The following CALML4 variants were observed in gnomAD, a reference collection of about 807,000 sequenced individuals.
CALML4 encodes the protein calmodulin-like protein 4.
CALML4 carries 16 observed loss-of-function variants against 17.9 expected under a neutral mutation model. The ratio of observed to expected loss-of-function variants is 0.89; its 90% CI spans 0.61 to 1.36. CALML4 has a LOEUF of 1.36. Among genes scored for constraint, CALML4 ranks in the 40% most tolerant of loss-of-function variants. The pLI, the probability that CALML4 is intolerant of heterozygous loss-of-function variation, is 0.00. For missense variants in CALML4, 203 were observed against 194.8 expected (o/e 1.04, Z -0.25); for synonymous variants, 86 against 71.5 (o/e 1.20, Z -1.02).
chr15:68,205,659 TG>T (rs1253711008), upstream of CALML4: 24 of 424,684 alleles, frequency 5.7e-5, no homozygotes, highest in Non-Finnish European at 9.7e-5. This position sits in a 1 kb window ranked among gnomAD's most constrained non-coding sequence, Gnocchi z 4.8. Context: ...CGGGTCGTAT[TG>T]AAGGCTCCTC....
Position 68,197,438 on chromosome 15 carries a change from A to G in CALML4, c.364+2T>C. 1.9e-6 allele frequency: 3 copies of G among 1,613,002 alleles called. No individual in the cohort carries two copies. In the East Asian group the frequency reaches 6.7e-5, roughly 36 times the overall value. On this transcript the variant is annotated splice_donor_variant, in intron 4 of 4. Transcript: ENST00000467889. LOFTEE classifies it high-confidence loss of function. This position sits in a 1 kb window ranked among gnomAD's most constrained non-coding sequence, Gnocchi z 4.1. ...GTTGGGAGACAGGACCCAGGCTGTTACCTTCCTTGTGGGTGAGCTTCTCCC... is the reference window on the plus strand; with the variant it reads ...GTTGGGAGACAGGACCCAGGCTGTTGCCTTCCTTGTGGGTGAGCTTCTCCC...
chr15:68,198,318 C>T (rs2093152956), intron 3 of CALML4: 2 of 152,314 alleles, frequency 1.3e-5, no homozygotes, highest in African/African-American at 4.8e-5. Context: ...TGGCCTGCCC[C>T]AGGGTGGGCT....
chr15:68,196,762 T>A (rs2093146232), intron 4 of CALML4, among the ~76,000 whole-genome samples: 1 of 152,240 alleles, frequency 6.6e-6, no homozygotes. Flanking sequence ...CGTCCTGCTC[T>A]GAGGCAGGAC....
upstream of CALML4, chr15:68,205,795 A>G (rs1432195924): frequency 5.0e-6 from 1 of 200,808 alleles, no homozygotes; most frequent in Non-Finnish European, 1.0e-5. The surrounding 1 kb of genome is among the most constrained non-coding windows in gnomAD (Gnocchi z 4.8). Context: ...TCAGGCTGGG[A>G]TTCAGTCCTC....
intron 4 of CALML4, 129 bp from the exon 5 acceptor site, chr15:68,194,241 G>A (rs2093133074): frequency 1.5e-6 from 1 of 649,010 alleles, no homozygotes; most frequent in Non-Finnish European, 2.7e-6. Flanking sequence ...TGTAGACCAG[G>A]AAGTAAACCA....
intron 3 of CALML4, among the ~76,000 whole-genome samples, chr15:68,199,022 C>T (rs547687907): frequency 2.0e-5 from 3 of 152,074 alleles, no homozygotes; most frequent in East Asian, 1.9e-4. Flanking sequence ...ATTAGCTAGG[C>T]GTGGTGGCAG....
At chr15:68,203,902 C>A (rs561794484) in intron 2 of CALML4, among the ~76,000 whole-genome samples, 3 of 152,196 alleles carry the variant, frequency 2.0e-5, no homozygotes, top group Non-Finnish European at 4.4e-5. Context: ...AATTTACCTT[C>A]TTCCCTTCTG....
In CALML4 at chr15:68,193,989, A is replaced by G. The variant is rs759857497; in HGVS notation, c.*26T>C. ...TTAATTGCTCCAAGTTTTCAGGCCCAGGGGAGGCTCTCCCATTCTCCTCCT... is the reference window on the plus strand; with the variant it reads ...TTAATTGCTCCAAGTTTTCAGGCCCGGGGGAGGCTCTCCCATTCTCCTCCT... On this transcript the variant is annotated 3_prime_UTR_variant, in exon 5 of 5. Transcript: ENST00000467889. 10 of 1,533,790 alleles carry G rather than the reference A, an allele frequency of 6.5e-6. No homozygotes were observed. The highest frequency in any genetic ancestry group is 5.2e-5 in the Admixed American group (3 of 57,872).
Sources: gnomAD v4.1 joint callset for allele counts (sites outside exome capture counted in the v4.1 genomes callset) on GRCh38, gnomAD v4.1.1 for gene constraint, Gnocchi (gnomAD v3.1) non-coding constraint, MANE v1.5 for transcripts, NCBI Gene and HGNC (gene_info 2026-07-23, HGNC 2026-07-21) for gene names.